Variants in CNTNAP5 observed in about 807,000 individuals in gnomAD.
The protein encoded by CNTNAP5 is contactin associated protein family member 5.
A neutral mutation model predicts 150.2 loss-of-function variants in CNTNAP5; 72 were observed. That is an observed-to-expected ratio of 0.48 (90% CI 0.40 to 0.58). The LOEUF is 0.58. Among genes scored for constraint, CNTNAP5 ranks in the 20% least tolerant of loss-of-function variants. CNTNAP5 has a pLI of 0.00. For synonymous variants in CNTNAP5, 672 were observed against 619.8 expected (o/e 1.08, Z -1.25); for missense variants, 1,636 against 1,626.2 (o/e 1.01, Z -0.10).
intron 1 of CNTNAP5, among the ~76,000 whole-genome samples, chr2:124,112,658 T>A (rs1683325085): frequency 6.6e-6 from 1 of 152,132 alleles, no homozygotes; most frequent in Non-Finnish European, 1.5e-5. Flanking sequence ...TAGGCACCAA[T>A]CATGTTGAGA....
At chr2:124,865,560 GC>G in intron 20 of CNTNAP5, 124 bp downstream of exon 20, 3 of 877,768 alleles carry the variant, frequency 3.4e-6, no homozygotes, top group Admixed American at 2.8e-5. Context: ...AATCACACTT[GC>G]CCCCAGACTT....
chr2:124,271,798 T>A (rs1687768200), intron 3 of CNTNAP5, among the ~76,000 whole-genome samples: 1 of 152,054 alleles, frequency 6.6e-6, no homozygotes, highest in South Asian at 2.1e-4. Context: ...CACCGCAACC[T>A]CCACCTCCCA....
chr2:124,565,952 CT>C (rs111873270), intron 11 of CNTNAP5, among the ~76,000 whole-genome samples: 117 of 144,068 alleles, frequency 8.1e-4, no homozygotes, highest in Admixed American at 1.2e-3. Context: ...TTGAGGGATC[CT>C]TTTTTTTTTT....
At chr2:124,105,807 G>A (rs946895707) in intron 1 of CNTNAP5, among the ~76,000 whole-genome samples, 2 of 151,932 alleles carry the variant, frequency 1.3e-5, no homozygotes, top group Non-Finnish European at 2.9e-5. Context: ...ACCGTGACCA[G>A]ATAATGTTGT....
intron 19 of CNTNAP5, among the ~76,000 whole-genome samples, chr2:124,800,079 A>C (rs1397224525): frequency 6.6e-6 from 1 of 152,116 alleles, no homozygotes. Flanking sequence ...AGGCATGGAG[A>C]AGTTCAGTAG....
chr2:124,418,634 C>T (rs1000291452), intron 4 of CNTNAP5, among the ~76,000 whole-genome samples: 1 of 152,182 alleles, frequency 6.6e-6, no homozygotes, highest in Non-Finnish European at 1.5e-5. Flanking sequence ...TTATCTTGAA[C>T]AAGCACTTTC....
chr2:124,839,219 A>G (rs1020423186), intron 19 of CNTNAP5, among the ~76,000 whole-genome samples: 2 of 152,028 alleles, frequency 1.3e-5, no homozygotes, highest in African/African-American at 4.8e-5. Flanking sequence ...GGAGGAACTG[A>G]AGGAAAGTCT....
intron 3 of CNTNAP5, among the ~76,000 whole-genome samples, chr2:124,246,351 C>T (rs928783779): frequency 1.3e-5 from 2 of 152,050 alleles, no homozygotes; most frequent in African/African-American, 4.8e-5. Flanking sequence ...CACCAAACAG[C>T]CACTTAGTGA....
At chr2:124,704,788 C>CT (rs1423516471) in intron 13 of CNTNAP5, among the ~76,000 whole-genome samples, 1 of 152,118 alleles carries the variant, frequency 6.6e-6, no homozygotes, top group Non-Finnish European at 1.5e-5. Flanking sequence ...TCACCTCCCC[C>CT]TACACCCCAG....
chr2:124,688,689 C>G (rs1281671063), intron 13 of CNTNAP5, among the ~76,000 whole-genome samples: 1 of 152,026 alleles, frequency 6.6e-6, no homozygotes, highest in Non-Finnish European at 1.5e-5. Context: ...GGAGGAATTA[C>G]AAAGCAGAGC....
chr2:124,034,919 T>A (rs532213161), intron 1 of CNTNAP5, among the ~76,000 whole-genome samples: 85 of 152,210 alleles, frequency 5.6e-4, no homozygotes, highest in Non-Finnish European at 9.7e-4. Flanking sequence ...ATTCCTATTT[T>A]CCTGTTGATT....
intron 1 of CNTNAP5, among the ~76,000 whole-genome samples, chr2:124,030,356 C>T (rs1681010997): frequency 6.6e-6 from 1 of 152,088 alleles, no homozygotes; most frequent in Admixed American, 6.6e-5. Flanking sequence ...GCTAGGTATA[C>T]TTACAGATCC....
At chr2:124,312,705 GGACT>G in intron 3 of CNTNAP5, among the ~76,000 whole-genome samples, 1 of 152,348 alleles carries the variant, frequency 6.6e-6, no homozygotes, top group East Asian at 1.9e-4. Context: ...CGAGTAGCTG[GGACT>G]ACAGGCGCTC....
chr2:124,069,520 C>A (rs1682247898), intron 1 of CNTNAP5, among the ~76,000 whole-genome samples: 1 of 152,062 alleles, frequency 6.6e-6, no homozygotes, highest in African/African-American at 2.4e-5. Context: ...GTAGTGATTA[C>A]AGCAGGACTC....
chr2:124,710,734 A>G (rs1045191006), intron 13 of CNTNAP5, among the ~76,000 whole-genome samples: 4 of 152,184 alleles, frequency 2.6e-5, no homozygotes, highest in African/African-American at 7.2e-5. Flanking sequence ...TTCTGAAATT[A>G]CTGTTTTCAG....
intron 19 of CNTNAP5, among the ~76,000 whole-genome samples, chr2:124,819,518 G>A (rs909203357): frequency 6.6e-6 from 1 of 152,112 alleles, no homozygotes; most frequent in Admixed American, 6.6e-5. Context: ...AACTGGTGAT[G>A]CTGTTAATGG....
At chr2:124,522,484 C>T (rs1310653409) in intron 8 of CNTNAP5, among the ~76,000 whole-genome samples, 1 of 152,160 alleles carries the variant, frequency 6.6e-6, no homozygotes, top group East Asian at 1.9e-4. Context: ...GAATAAACAC[C>T]TCCCACCCTG....
At chr2:124,227,779 G>C (rs536976357) in intron 2 of CNTNAP5, among the ~76,000 whole-genome samples, 1 of 151,384 alleles carries the variant, frequency 6.6e-6, no homozygotes, top group South Asian at 2.1e-4. Flanking sequence ...AGGGTGGGGG[G>C]AGGCGGAAGA....
intron 13 of CNTNAP5, among the ~76,000 whole-genome samples, chr2:124,681,401 C>T (rs1455977836): frequency 1.3e-5 from 2 of 151,700 alleles, no homozygotes; most frequent in Non-Finnish European, 2.9e-5. Flanking sequence ...TCAGATTTCT[C>T]CACAGCCCAG....
Sources: gnomAD v4.1 joint callset for allele counts (sites outside exome capture counted in the v4.1 genomes callset) on GRCh38, gnomAD v4.1.1 for gene constraint, MANE v1.5 for transcripts, NCBI Gene and HGNC (gene_info 2026-07-23, HGNC 2026-07-21) for gene names.